Variants in HLCS observed in about 807,000 individuals in gnomAD.
HLCS encodes the protein biotin--protein ligase.
In HLCS, 53 loss-of-function variants were observed where a neutral mutation model predicts 75.0. The observed-to-expected ratio is 0.71, with a 90% confidence interval of 0.57 to 0.89. The LOEUF (loss-of-function observed/expected upper bound fraction) is 0.89, where lower values mean the gene tolerates loss of function less well. Among genes scored for constraint, HLCS ranks in the 40% least tolerant of loss-of-function variants. The pLI, the probability that HLCS is intolerant of heterozygous loss-of-function variation, is 0.00. For missense variants in HLCS, 966 were observed against 1,074.0 expected, an observed-to-expected ratio of 0.90 and a Z score of 1.41; for synonymous variants, 431 against 428.6, an observed-to-expected ratio of 1.01 and a Z score of -0.07.
At chr21:36,857,972 T>C (rs2063255388) in intron 6 of HLCS, among the ~76,000 whole-genome samples, 2 of 152,100 alleles carry the variant, frequency 1.3e-5, no homozygotes, top group South Asian at 4.2e-4. Context: ...GTATTTTTAA[T>C]AGAGACAAGG....
chr21:36,766,668 A>G (rs147710017), intron 7 of HLCS, among the ~76,000 whole-genome samples: 92 of 152,166 alleles, frequency 6.0e-4, no homozygotes, highest in African/African-American at 2.1e-3. Context: ...CAGACCCCAG[A>G]TGGGTCTGGG....
chr21:36,904,529 T>C (rs1601691549), intron 5 of HLCS, among the ~76,000 whole-genome samples: 1 of 152,204 alleles, frequency 6.6e-6, no homozygotes, highest in South Asian at 2.1e-4. Context: ...CAGGGCCCTC[T>C]TATGAAACAT....
intron 4 of HLCS, among the ~76,000 whole-genome samples, chr21:36,933,678 T>A (rs530556279): frequency 2.4e-4 from 37 of 152,174 alleles, no homozygotes; most frequent in African/African-American, 8.9e-4. Flanking sequence ...CGAGACCCGT[T>A]TAATTCACTT....
At chr21:36,955,709 T>C (rs556536840) in intron 2 of HLCS, among the ~76,000 whole-genome samples, 5 of 152,356 alleles carry the variant, frequency 3.3e-5, no homozygotes, top group African/African-American at 9.6e-5. Context: ...GTACAGTGTT[T>C]ATAAAGTCTA....
At chr21:36,786,978 C>A (rs531665431) in intron 6 of HLCS, among the ~76,000 whole-genome samples, 2 of 152,162 alleles carry the variant, frequency 1.3e-5, no homozygotes, top group African/African-American at 4.8e-5. Context: ...GCCCAGCACA[C>A]CCCCAAGTGC....
At chr21:36,989,792 G>C (rs887926959) in intron 1 of HLCS, among the ~76,000 whole-genome samples, 1 of 152,132 alleles carries the variant, frequency 6.6e-6, no homozygotes, top group Non-Finnish European at 1.5e-5. Flanking sequence ...CGCGGGGCAC[G>C]CGGCCAGGGG....
intron 6 of HLCS, among the ~76,000 whole-genome samples, chr21:36,774,085 C>T (rs2060286464): frequency 6.6e-6 from 1 of 152,016 alleles, no homozygotes; most frequent in Non-Finnish European, 1.5e-5. Context: ...ACGCCTCCAC[C>T]GTAAAATGGA....
rs956488036 is a variant in HLCS at position 36,966,627 on chromosome 21, C to T, written c.12G>A (p.Thr4=). 1.1e-5 allele frequency: 11 copies of T among 982,404 alleles called. No homozygotes were observed. The highest frequency in any genetic ancestry group is 3.5e-5 in the African/African-American group (2 of 56,702). The allele number at this position is 982,404 out of a possible 1,614,324, so 60.9% of individuals were successfully genotyped here. A position where few individuals can be genotyped will look rare whatever the true frequency, so the allele number is the denominator to read the frequency against. MLI[T]LCYLYLWARW... ...GCGCCCACAGGTACAGGTAGCACAG[C>T]GTGATGAGCATGGCCGCGCCGCCGG... Residue 4 remains threonine, a synonymous_variant, in exon 1 of 11, where the codon ACG becomes ACA. Transcript: ENST00000674895.
At chr21:36,973,978 T>A (rs1191764337) in intron 1 of HLCS, 1 of 149,908 alleles carries the variant, frequency 6.7e-6, no homozygotes, top group Non-Finnish European at 1.5e-5. Context: ...GCAACAAGAG[T>A]GAAACTCCGT....
intron 6 of HLCS, among the ~76,000 whole-genome samples, chr21:36,839,123 A>T (rs914541022): frequency 1.2e-4 from 18 of 152,200 alleles, no homozygotes; most frequent in Non-Finnish European, 1.5e-5. Flanking sequence ...TGTTCTCTAC[A>T]ATTAGATTAA....
chr21:36,820,380 C>T (rs971347877), intron 6 of HLCS, among the ~76,000 whole-genome samples: 48 of 152,264 alleles, frequency 3.2e-4, no homozygotes, highest in African/African-American at 8.4e-4. Flanking sequence ...GCCGGGCCGC[C>T]GACTGGGATT....
chr21:36,929,571 T>G (rs1386964747), intron 5 of HLCS, among the ~76,000 whole-genome samples: 1 of 152,250 alleles, frequency 6.6e-6, no homozygotes, highest in Non-Finnish European at 1.5e-5. Context: ...ATTGGGTGTT[T>G]GCAGAAACTA....
intron 6 of HLCS, among the ~76,000 whole-genome samples, chr21:36,804,659 C>G (rs2061312092): frequency 6.6e-6 from 1 of 152,102 alleles, no homozygotes; most frequent in South Asian, 2.1e-4. Flanking sequence ...TCTCTCTGAC[C>G]CTCTGTGGTC....
Position 36,890,260 on chromosome 21 carries a change from C to T in HLCS, c.1892+6600G>A, listed in dbSNP as rs111447600. 4.3e-3 allele frequency among the ~76,000 whole-genome samples: 652 copies of T among 152,308 alleles called. 7 individuals are homozygous for T. Among genetic ancestry groups the T allele is most frequent in the African/African-American group, 0.015 (624 of 41,546 alleles). On this transcript the variant is annotated intron_variant, in intron 6 of 10. Transcript: ENST00000674895. ...AGCAATGTGGAAACAGACTAATACA[C>T]ATGGCATCCAGAAGGTGTTACCCTG...
At chr21:36,983,028 C>T (rs1471867325) in intron 1 of HLCS, among the ~76,000 whole-genome samples, 3 of 151,270 alleles carry the variant, frequency 2.0e-5, no homozygotes, top group Non-Finnish European at 4.4e-5. Context: ...AGCGAGACTC[C>T]GTCTCAAAAA....
rs117140733 is a variant in HLCS, at chr21:36,837,740, G to A, written c.1892+59120C>T. Reference sequence around the variant, plus strand: ...TGAATTTTAGGGAAATTTGCAAGTCGGCTGCAATCATGAACATTGTATCAA... The same window carrying A: ...TGAATTTTAGGGAAATTTGCAAGTCAGCTGCAATCATGAACATTGTATCAA... On this transcript the variant is annotated intron_variant, in intron 6 of 10. Transcript: ENST00000674895. 9.6e-3 allele frequency among the ~76,000 whole-genome samples: 1,457 copies of A among 152,216 alleles called. 7 individuals carry two copies. Among genetic ancestry groups the A allele is most frequent in the Non-Finnish European group, 0.014 (950 of 68,008 alleles).
intron 6 of HLCS, among the ~76,000 whole-genome samples, chr21:36,837,726 G>A (rs1482255019): frequency 2.6e-5 from 4 of 152,156 alleles, no homozygotes; most frequent in Admixed American, 2.6e-4. Flanking sequence ...GAATTTTAGG[G>A]AAATTTGCAA....
rs71198844 is a variant in HLCS at position 36,980,026 on chromosome 21, C to CAAAAAAAA, written c.-393+10124_-393+10131dup. 2.7e-4 allele frequency among the ~76,000 whole-genome samples: 15 copies of CAAAAAAAA among 55,122 alleles called. 2 individuals are homozygous for CAAAAAAAA. The highest frequency in any genetic ancestry group is 1.2e-3 in the African/African-American group (15 of 12,228). The allele number at this position is 55,122 out of a possible 152,430, so 36.2% of individuals were successfully genotyped here. On this transcript the variant is annotated intron_variant, in intron 1 of 11. Transcript: ENST00000336648. ...TGGGCGACAGAGCAAGTCCCCATCT[C>CAAAAAAAA]AAAAAAAAAAAAAAAAAAAAAAAAA...
At chr21:36,990,071 C>A (rs903563387) in intron 1 of HLCS, 9 of 152,296 alleles carry the variant, frequency 5.9e-5, no homozygotes, top group Middle Eastern at 3.4e-3. Flanking sequence ...GGCAGAGGCT[C>A]GCGGTGGACT....
Sources: allele counts gnomAD v4.1 joint callset (sites outside exome capture counted in the v4.1 genomes callset), GRCh38; gene constraint gnomAD v4.1.1; transcripts MANE v1.5; gene names NCBI Gene and HGNC (gene_info 2026-07-23, HGNC 2026-07-21).